Variants in KCNQ5 observed in about 807,000 individuals in gnomAD.
KCNQ5 encodes the protein potassium voltage-gated channel subfamily Q member 5, also known as potassium voltage-gated channel subfamily KQT member 5.
In KCNQ5, 30 loss-of-function variants were observed where a neutral mutation model predicts 98.2. The ratio of observed to expected loss-of-function variants is 0.31; its 90% CI spans 0.23 to 0.41. The LOEUF (loss-of-function observed/expected upper bound fraction) is 0.41. Among genes scored for constraint, KCNQ5 ranks in the 10% least tolerant of loss-of-function variants. The pLI is 1.00. For missense variants in KCNQ5, 835 were observed against 1,182.5 expected, an observed-to-expected ratio of 0.71 and a Z score of 4.31; for synonymous variants, 458 against 449.4, an observed-to-expected ratio of 1.02 and a Z score of -0.24.
At chr6:72,955,124 T>C (rs1458520403) in intron 1 of KCNQ5, among the ~76,000 whole-genome samples, 1 of 152,176 alleles carries the variant, frequency 6.6e-6, no homozygotes, top group Non-Finnish European at 1.5e-5. Context: ...TAAACGTTAG[T>C]TTAGGTTATT....
rs144784809 is a variant in KCNQ5 at position 72,936,399 on chromosome 6, C to T, written c.399-67509C>T. The stretch of plus-strand genomic sequence containing the variant: ...TCATCTGACTTATTCTGGCTTTAGT[C>T]TCAGAGCACAATACGATGCCTGATT... On this transcript the variant is annotated intron_variant, in intron 1 of 13. Transcript: ENST00000370398. Among the ~76,000 whole-genome samples, 152 of 152,234 alleles carry T rather than the reference C, an allele frequency of 1.0e-3. 1 individual carries two copies. Among genetic ancestry groups the T allele is most frequent in the African/African-American group, 3.3e-3 (137 of 41,544 alleles).
At chr6:72,775,842 G>C (rs1773136218) in intron 1 of KCNQ5, among the ~76,000 whole-genome samples, 1 of 152,096 alleles carries the variant, frequency 6.6e-6, no homozygotes, top group Non-Finnish European at 1.5e-5. Flanking sequence ...TCCAAAACAA[G>C]GAAAGCCTGA....
chr6:72,625,610 C>T (rs542423149), intron 1 of KCNQ5, among the ~76,000 whole-genome samples: 14 of 152,254 alleles, frequency 9.2e-5, no homozygotes, highest in African/African-American at 1.9e-4. Context: ...ACATGGGAAA[C>T]GGTGTTGCAG....
intron 1 of KCNQ5, among the ~76,000 whole-genome samples, chr6:72,931,306 A>C (rs59988460): frequency 0.015 from 2,283 of 152,266 alleles, 53 homozygotes; most frequent in African/African-American, 0.051. Flanking sequence ...GTATGATAAT[A>C]AATTACTACT....
intron 1 of KCNQ5, among the ~76,000 whole-genome samples, chr6:72,652,029 T>G (rs1423315421): frequency 6.6e-6 from 1 of 152,038 alleles, no homozygotes; most frequent in African/African-American, 2.4e-5. Flanking sequence ...TAAGCTTTAT[T>G]TATCTCTTTT....
rs1174375994 is a variant in KCNQ5 at position 73,071,597 on chromosome 6, C to T, written c.617-5725C>T. Among the ~76,000 whole-genome samples the T allele has an allele frequency of 2.0e-5, 3 of 152,220 alleles. No individual in the cohort carries two copies. The South Asian group carries it at 6.2e-4, about 31-fold the overall frequency. On this transcript the variant is annotated intron_variant, in intron 3 of 13. Transcript: ENST00000370398. ...TGGTGAGAACCTCAGGCTGCCTCCA[C>T]TCATGGCAGAAGGTGAAGTGGGGCC...
intron 8 of KCNQ5, 132 bp from the exon 9 acceptor site, chr6:73,124,354 T>C (rs758854965): frequency 7.8e-6 from 6 of 772,514 alleles, no homozygotes; most frequent in Non-Finnish European, 8.9e-6. Context: ...AGAACACTGC[T>C]TTTGTGGATC....
intron 1 of KCNQ5, among the ~76,000 whole-genome samples, chr6:72,730,961 T>C (rs1174454542): frequency 6.6e-6 from 1 of 152,208 alleles, no homozygotes; most frequent in Non-Finnish European, 1.5e-5. Flanking sequence ...ATTTATGTAT[T>C]TTATGTCCCT....
At chr6:72,698,914 G>A (rs1172125632) in intron 1 of KCNQ5, among the ~76,000 whole-genome samples, 8 of 151,762 alleles carry the variant, frequency 5.3e-5, no homozygotes, top group Admixed American at 3.3e-4. Flanking sequence ...CTGCCTTGGC[G>A]TCCGACAGTG....
chr6:72,929,533 A>T (rs969824545), intron 1 of KCNQ5, among the ~76,000 whole-genome samples: 3 of 152,142 alleles, frequency 2.0e-5, no homozygotes, highest in African/African-American at 7.2e-5. Context: ...GTGGCTTTAA[A>T]CTGCAAAATT....
chr6:72,677,225 C>G (rs1479445816), intron 1 of KCNQ5: 1 of 152,232 alleles, frequency 6.6e-6, no homozygotes, highest in Non-Finnish European at 1.5e-5. Context: ...GTAAGAAACT[C>G]TGGGCTTTTC....
At chr6:72,787,135 C>G (rs1773798176) in intron 1 of KCNQ5, among the ~76,000 whole-genome samples, 1 of 152,110 alleles carries the variant, frequency 6.6e-6, no homozygotes, top group Non-Finnish European at 1.5e-5. Context: ...ATGCAGCCCC[C>G]CACCTGTTTT....
At chr6:72,800,313 G>C (rs982548480) in intron 1 of KCNQ5, among the ~76,000 whole-genome samples, 2 of 152,128 alleles carry the variant, frequency 1.3e-5, no homozygotes, top group African/African-American at 4.8e-5. Flanking sequence ...GCCTGTTATT[G>C]GTCTATTCAG....
chr6:72,960,507 G>A (rs1039808488), intron 1 of KCNQ5, among the ~76,000 whole-genome samples: 9 of 152,114 alleles, frequency 5.9e-5, no homozygotes, highest in African/African-American at 1.9e-4. Flanking sequence ...TCGGCTCACT[G>A]CAACCTCCGC....
intron 1 of KCNQ5, among the ~76,000 whole-genome samples, chr6:72,941,394 CCTTT>C: frequency 1.1e-5 from 1 of 87,978 alleles, no homozygotes; most frequent in South Asian, 4.9e-4. Context: ...CTTCCTTCCT[CCTTT>C]CCTCCTTCCC....
chr6:72,698,075 A>G (rs569792396), intron 1 of KCNQ5, among the ~76,000 whole-genome samples: 3 of 152,276 alleles, frequency 2.0e-5, no homozygotes, highest in South Asian at 2.1e-4. Flanking sequence ...ATAAATAATA[A>G]AAGTGTGTCC....
intron 1 of KCNQ5, among the ~76,000 whole-genome samples, chr6:72,937,029 G>A (rs1392786050): frequency 6.6e-6 from 1 of 152,188 alleles, no homozygotes; most frequent in Non-Finnish European, 1.5e-5. Flanking sequence ...AGAGAGCTGA[G>A]AGTACAAACA....
chr6:72,980,623 C>T (rs572343093), intron 1 of KCNQ5, among the ~76,000 whole-genome samples: 217 of 152,166 alleles, frequency 1.4e-3, no homozygotes, highest in African/African-American at 4.8e-3. Flanking sequence ...CTACAAACAG[C>T]GACAATTTGA....
At chr6:72,899,703 G>C (rs1237424226) in intron 1 of KCNQ5, among the ~76,000 whole-genome samples, 3 of 151,906 alleles carry the variant, frequency 2.0e-5, no homozygotes, top group Non-Finnish European at 2.9e-5. Context: ...TTGATTACAT[G>C]AATGAGTTCT....
Sources: gnomAD v4.1 joint callset for allele counts (sites outside exome capture counted in the v4.1 genomes callset) on GRCh38, gnomAD v4.1.1 for gene constraint, MANE v1.5 for transcripts, NCBI Gene and HGNC (gene_info 2026-07-23, HGNC 2026-07-21) for gene names.